Variants in HS3ST4 observed in about 807,000 individuals in gnomAD.
The protein encoded by HS3ST4 is heparan sulfate-glucosamine 3-sulfotransferase 4.
HS3ST4 carries 17 observed loss-of-function variants against 29.2 expected under a neutral mutation model. The observed-to-expected ratio is 0.58, with a 90% CI of 0.40 to 0.87. The LOEUF (loss-of-function observed/expected upper bound fraction) is 0.87, where lower values mean the gene tolerates loss of function less well. HS3ST4 is among the 40% of genes least tolerant of loss of function. The pLI is 0.00. For missense variants in HS3ST4, 627 were observed against 634.5 expected (o/e 0.99, Z 0.13); for synonymous variants, 314 against 285.7 (o/e 1.10, Z -1.00).
At chr16:25,920,716 C>G (rs1403618240) in intron 1 of HS3ST4, among the ~76,000 whole-genome samples, 4 of 151,750 alleles carry the variant, frequency 2.6e-5, no homozygotes, top group African/African-American at 9.7e-5. Flanking sequence ...GATCCTCCCA[C>G]CTCAGCCTCC....
chr16:25,930,294 G>A (rs1968450398), intron 1 of HS3ST4, among the ~76,000 whole-genome samples: 1 of 152,184 alleles, frequency 6.6e-6, no homozygotes, highest in Non-Finnish European at 1.5e-5. Flanking sequence ...AGTCCTGGAT[G>A]GAGGCTTCAC....
chr16:25,766,760 C>T (rs956521548), intron 1 of HS3ST4, among the ~76,000 whole-genome samples: 4 of 152,236 alleles, frequency 2.6e-5, no homozygotes, highest in African/African-American at 9.6e-5. Flanking sequence ...AGCAAAATCA[C>T]TGCAGATGCC....
At chr16:26,128,819 CA>C (rs1339260272) in intron 1 of HS3ST4, among the ~76,000 whole-genome samples, 1 of 152,190 alleles carries the variant, frequency 6.6e-6, no homozygotes, top group African/African-American at 2.4e-5. Context: ...GGCAAGTAAG[CA>C]GGTGCTCCAT....
At chr16:25,880,397 T>G (rs767610864) in intron 1 of HS3ST4, among the ~76,000 whole-genome samples, 3 of 152,182 alleles carry the variant, frequency 2.0e-5, no homozygotes, top group Non-Finnish European at 2.9e-5. Context: ...CAAATGTGCT[T>G]TCAACCACTT....
At chr16:26,031,697 G>A (rs1347869050) in intron 1 of HS3ST4, among the ~76,000 whole-genome samples, 4 of 147,878 alleles carry the variant, frequency 2.7e-5, no homozygotes, top group African/African-American at 1.0e-4. Flanking sequence ...CAGAAAGATG[G>A]AGGCGTGTTT....
intron 1 of HS3ST4, among the ~76,000 whole-genome samples, chr16:25,722,448 T>C (rs539409207): frequency 1.3e-5 from 2 of 152,240 alleles, no homozygotes; most frequent in Non-Finnish European, 2.9e-5. Context: ...TCCTTTTCTT[T>C]TGTTTGATTT....
At chr16:26,016,154 T>A (rs1439018308) in intron 1 of HS3ST4, among the ~76,000 whole-genome samples, 2 of 152,194 alleles carry the variant, frequency 1.3e-5, no homozygotes, top group Admixed American at 6.6e-5. Context: ...TGCAGATGAA[T>A]TTTATCGTCT....
intron 1 of HS3ST4, among the ~76,000 whole-genome samples, chr16:25,938,372 G>A (rs1012881199): frequency 2.6e-5 from 4 of 152,074 alleles, no homozygotes; most frequent in East Asian, 1.9e-4. Context: ...GGGGACTTTC[G>A]AGTTACATAT....
intron 1 of HS3ST4, among the ~76,000 whole-genome samples, chr16:25,903,680 T>C (rs578106552): frequency 6.6e-6 from 1 of 152,270 alleles, no homozygotes; most frequent in East Asian, 1.9e-4. Context: ...TGTTCTGCCA[T>C]CTTGAACTTC....
At position 25,909,886 on chromosome 16, in the gene HS3ST4, A is replaced by G. The variant is rs182589520; in HGVS notation, c.734+216735A>G. Among the ~76,000 whole-genome samples the G allele has an allele frequency of 3.0e-3, 456 of 152,054 alleles. 1 individual carries two copies. Among genetic ancestry groups the G allele is most frequent in the South Asian group, 4.4e-3 (21 of 4,806 alleles). On this transcript the variant is annotated intron_variant, in intron 1 of 1. Transcript: ENST00000331351. ...TTAGTTTAGTTTAGTTTTGTTTTTT[A>G]GAGGAGTCTTGCTGTATTGCCCAGG...
At position 25,692,482 on chromosome 16, in the gene HS3ST4, C is replaced by G; in HGVS notation, c.65C>G (p.Pro22Arg). 1 of 1,375,596 alleles carries G rather than the reference C, an allele frequency of 7.3e-7. No individual in the cohort carries two copies. 85.2% of individuals were successfully genotyped at this position (1,375,596 alleles called of 1,614,324 possible). Residue 22 changes from proline to arginine, a missense_variant, in exon 1 of 2, where the codon CCG (proline) becomes CGG (arginine). Pro to Arg is a moderately radical substitution (Grantham distance 103). Coordinates refer to ENST00000331351, the MANE Select transcript of HS3ST4 (RefSeq NM_006040.3). ...PPPPPLAAPP[P>R]PGASAKGPPA... is the part of the protein sequence containing the mutation. ...CCTCCACCTCTGGCCGCGCCGCCGCCGCCCGGCGCCTCTGCTAAGGGGCCG... is the reference window on the plus strand; with the variant it reads ...CCTCCACCTCTGGCCGCGCCGCCGCGGCCCGGCGCCTCTGCTAAGGGGCCG...
chr16:25,750,394 A>G (rs1052793227), intron 1 of HS3ST4, among the ~76,000 whole-genome samples: 8 of 152,138 alleles, frequency 5.3e-5, no homozygotes, highest in African/African-American at 1.9e-4. Flanking sequence ...CACTAGCCCA[A>G]CTGTGTTCAA....
At chr16:25,909,291 C>T (rs1331047211) in intron 1 of HS3ST4, among the ~76,000 whole-genome samples, 2 of 152,090 alleles carry the variant, frequency 1.3e-5, no homozygotes, top group East Asian at 1.9e-4. Context: ...AGGACTCGAG[C>T]GATTCTCCTT....
chr16:25,750,549 A>G (rs1279030461), intron 1 of HS3ST4, among the ~76,000 whole-genome samples: 1 of 152,228 alleles, frequency 6.6e-6, no homozygotes, highest in Non-Finnish European at 1.5e-5. Context: ...TCAAGAGTAC[A>G]GTGTGGCTCT....
In HS3ST4 at chr16:26,124,007, G is replaced by A. The variant is rs557735687; in HGVS notation, c.735-11605G>A. Among the ~76,000 whole-genome samples the A allele has an allele frequency of 4.0e-5, 6 of 151,882 alleles. No homozygotes were observed. In the East Asian group the frequency reaches 5.8e-4, roughly 15 times the overall value. On this transcript the variant is annotated intron_variant, in intron 1 of 1. Coordinates refer to ENST00000331351, the MANE Select transcript of HS3ST4 (RefSeq NM_006040.3). ...GCAATCTCAGCTTACCGCAACTTGCGGCTCCCGGGTTCAAGCGATTCTCCT... is the reference window on the plus strand; with the variant it reads ...GCAATCTCAGCTTACCGCAACTTGCAGCTCCCGGGTTCAAGCGATTCTCCT...
intron 1 of HS3ST4, among the ~76,000 whole-genome samples, chr16:26,031,718 T>TTTC (rs1252998327): frequency 1.3e-5 from 2 of 150,070 alleles, no homozygotes; most frequent in Admixed American, 6.6e-5. Flanking sequence ...TTTTTTTTTT[T>TTTC]CCAAGCCAAA....
chr16:25,856,101 A>G (rs1300033489), intron 1 of HS3ST4, among the ~76,000 whole-genome samples: 1 of 152,058 alleles, frequency 6.6e-6, no homozygotes, highest in Non-Finnish European at 1.5e-5. Flanking sequence ...TCTGCTTTTC[A>G]CGGGGAAAAG....
intron 1 of HS3ST4, among the ~76,000 whole-genome samples, chr16:26,090,561 G>T (rs1403052958): frequency 6.6e-6 from 1 of 151,786 alleles, no homozygotes; most frequent in Non-Finnish European, 1.5e-5. Context: ...AAAGAGCAGA[G>T]CCCATAAAAG....
chr16:25,916,904 C>G (rs1454770808), intron 1 of HS3ST4, among the ~76,000 whole-genome samples: 1 of 151,998 alleles, frequency 6.6e-6, no homozygotes, highest in East Asian at 1.9e-4. Context: ...TGGTCTCGAT[C>G]TCCTGACCTT....
Sources: gnomAD v4.1 joint callset for allele counts (sites outside exome capture counted in the v4.1 genomes callset) on GRCh38, gnomAD v4.1.1 for gene constraint, MANE v1.5 for transcripts, NCBI Gene and HGNC (gene_info 2026-07-23, HGNC 2026-07-21) for gene names.